LPP: variants seen among roughly 807,000 people sequenced by gnomAD.
The protein encoded by LPP is LIM domain containing preferred translocation partner in lipoma.
Under a neutral mutation model 60.4 loss-of-function variants are expected in LPP, and 38 were observed. The observed-to-expected ratio is 0.63, with a 90% CI of 0.49 to 0.83. The LOEUF is 0.83. Ranked by LOEUF, LPP falls within the 40% of genes least tolerant of loss-of-function variation. The probability of loss-of-function intolerance (pLI) is 0.00; values close to 1 mark genes in which losing one functional copy is unlikely to be tolerated. For synonymous variants in LPP, 328 were observed against 290.8 expected, an observed-to-expected ratio of 1.13 and a Z score of -1.30; for missense variants, 902 against 783.6, an observed-to-expected ratio of 1.15 and a Z score of -1.80.
At chr3:188,473,241 C>A (rs771420047) in intron 4 of LPP, among the ~76,000 whole-genome samples, 12 of 152,160 alleles carry the variant, frequency 7.9e-5, no homozygotes, top group Non-Finnish European at 1.6e-4. Flanking sequence ...TCTTACATAA[C>A]CACGGTAGAG....
chr3:188,582,785 C>T (rs1836551361), intron 6 of LPP, among the ~76,000 whole-genome samples: 2 of 152,174 alleles, frequency 1.3e-5, no homozygotes, highest in South Asian at 2.1e-4. Context: ...TGTGGCATCA[C>T]CATCTAACCA....
chr3:188,512,973 T>C (rs1816261262), intron 5 of LPP, among the ~76,000 whole-genome samples: 1 of 152,168 alleles, frequency 6.6e-6, no homozygotes, highest in African/African-American at 2.4e-5. Context: ...ATCCACACAA[T>C]TGTTGCACAT....
At chr3:188,866,571 C>G (rs755354753) in intron 10 of LPP, among the ~76,000 whole-genome samples, 193 bp downstream of exon 10, 16 of 152,152 alleles carry the variant, frequency 1.1e-4, no homozygotes, top group Non-Finnish European at 2.1e-4. Flanking sequence ...AGTCATCCAG[C>G]CTGGTCTCTG....
chr3:188,732,883 A>G lies in LPP; in HGVS notation c.1240+24490A>G, dbSNP rs146351275. 8.9e-3 allele frequency among the ~76,000 whole-genome samples: 1,348 copies of G among 152,228 alleles called. 24 individuals are homozygous for G. Among genetic ancestry groups the G allele is most frequent in the African/African-American group, 0.03 (1,250 of 41,530 alleles). On this transcript the variant is annotated intron_variant, in intron 8 of 11. Coordinates refer to ENST00000617246, the MANE Select transcript of LPP (RefSeq NM_001375462.1). The stretch of plus-strand genomic sequence containing the variant: ...TACCAGTGAAAATGCTCTTTCAACT[A>G]TAAAGTATTAGAGTTGAGAAAGTTC...
chr3:188,770,725 A>T (rs1167195473), intron 9 of LPP, among the ~76,000 whole-genome samples: 1 of 152,156 alleles, frequency 6.6e-6, no homozygotes, highest in East Asian at 1.9e-4. Context: ...TAGATATGAG[A>T]GTCTTTTACG....
chr3:188,269,643 T>TATG (rs141175408), intron 2 of LPP, among the ~76,000 whole-genome samples: 1 of 134,376 alleles, frequency 7.4e-6, no homozygotes, highest in African/African-American at 3.2e-5. Context: ...GCCTTTTTTT[T>TATG]TATGTGTGTG....
At chr3:188,351,605 G>A (rs1765861434) in intron 3 of LPP, among the ~76,000 whole-genome samples, 3 of 152,162 alleles carry the variant, frequency 2.0e-5, no homozygotes, top group Admixed American at 2.0e-4. Context: ...ACATAGTTTA[G>A]CTTGGTCAGT....
At chr3:188,289,654 T>C (rs919239195) in intron 2 of LPP, among the ~76,000 whole-genome samples, 5 of 152,150 alleles carry the variant, frequency 3.3e-5, no homozygotes, top group African/African-American at 1.2e-4. Flanking sequence ...TTTTTCATGG[T>C]ACCACTTGGC....
chr3:188,767,582 G>A lies in LPP; in HGVS notation c.1410+7300G>A, dbSNP rs116121437. ...TCTATCTTCTGTCTAAATCTGCATG[G>A]GAGATTTAGAAAAACATTTATCATA... On this transcript the variant is annotated intron_variant, in intron 9 of 11. Transcript: ENST00000617246. 3.5e-3 allele frequency among the ~76,000 whole-genome samples: 526 copies of A among 152,134 alleles called. 1 individual carries two copies. The highest frequency in any genetic ancestry group is 0.012 in the African/African-American group (498 of 41,516).
intron 9 of LPP, among the ~76,000 whole-genome samples, chr3:188,841,478 G>T (rs1272262829): frequency 7.3e-6 from 1 of 137,214 alleles, no homozygotes; most frequent in Non-Finnish European, 1.5e-5. Flanking sequence ...TGCAACCTCT[G>T]CCTCCCAGGT....
chr3:188,664,202 C>T (rs1855247785), intron 7 of LPP, among the ~76,000 whole-genome samples: 1 of 152,168 alleles, frequency 6.6e-6, no homozygotes, highest in Non-Finnish European at 1.5e-5. Context: ...ATCCTATTAC[C>T]ATTTATTGTA....
In LPP at chr3:188,889,933, A is replaced by G. The variant is rs1029546081; in HGVS notation, c.*15454A>G. On this transcript the variant is annotated 3_prime_UTR_variant, in exon 12 of 12. Coordinates refer to ENST00000617246, the MANE Select transcript of LPP (RefSeq NM_001375462.1). ...AGAGGATCAGATTTTAGCGCTGGAA[A>G]ATGAGTTCAAAAATTTCAGTGTAAT... 2 of 212,478 alleles carry G rather than the reference A, an allele frequency of 9.4e-6. No homozygotes were observed. Among genetic ancestry groups the G allele is most frequent in the Non-Finnish European group, 1.9e-5 (2 of 104,940 alleles). 13.2% of individuals were successfully genotyped at this position (212,478 alleles called of 1,614,324 possible).
chr3:188,651,223 C>T (rs1016042608), intron 7 of LPP, among the ~76,000 whole-genome samples: 34 of 152,154 alleles, frequency 2.2e-4, no homozygotes, highest in South Asian at 6.2e-4. Flanking sequence ...ACATATATAA[C>T]GCAGTCTGCC....
chr3:188,555,757 A>G (rs990308661), intron 6 of LPP, among the ~76,000 whole-genome samples: 3 of 152,240 alleles, frequency 2.0e-5, no homozygotes, highest in Non-Finnish European at 2.9e-5. Flanking sequence ...TATTTGAGCT[A>G]TCTTTTAGAG....
chr3:188,761,923 A>G (rs1270886697), intron 9 of LPP, among the ~76,000 whole-genome samples: 3 of 152,204 alleles, frequency 2.0e-5, no homozygotes, highest in African/African-American at 7.2e-5. Flanking sequence ...GAAATTATTT[A>G]TTGCCACGAG....
intron 8 of LPP, among the ~76,000 whole-genome samples, chr3:188,713,446 T>A (rs763474667): frequency 6.6e-6 from 1 of 151,894 alleles, no homozygotes; most frequent in Non-Finnish European, 1.5e-5. Flanking sequence ...TGAATATCAA[T>A]GATATATTAG....
chr3:188,625,003 G>A (rs1846564715), intron 7 of LPP, among the ~76,000 whole-genome samples: 2 of 151,488 alleles, frequency 1.3e-5, no homozygotes, highest in Non-Finnish European at 2.9e-5. Context: ...TCATGTGAGG[G>A]AAGTCTTAGG....
At chr3:188,411,201 A>C (rs547887971) in intron 4 of LPP, among the ~76,000 whole-genome samples, 31 of 152,260 alleles carry the variant, frequency 2.0e-4, no homozygotes, top group African/African-American at 7.5e-4. Context: ...GGGAAATGCA[A>C]ATTAAAACCA....
chr3:188,247,038 C>A, intron 2 of LPP: 1 of 208,936 alleles, frequency 4.8e-6, no homozygotes, highest in Non-Finnish European at 8.4e-6. Context: ...TACTTAAAAG[C>A]TTGACATGTT....
Sources: allele counts gnomAD v4.1 joint callset (sites outside exome capture counted in the v4.1 genomes callset), GRCh38; gene constraint gnomAD v4.1.1; transcripts MANE v1.5; gene names NCBI Gene and HGNC (gene_info 2026-07-23, HGNC 2026-07-21).